CNTNAP4: variants seen among roughly 807,000 people sequenced by gnomAD.
CNTNAP4 encodes the protein contactin associated protein family member 4.
Under a neutral mutation model 148.4 loss-of-function variants are expected in CNTNAP4, and 98 were observed. The ratio of observed to expected loss-of-function variants is 0.66; its 90% confidence interval spans 0.56 to 0.78. The LOEUF is 0.78. Ranked by LOEUF, CNTNAP4 falls within the 30% of genes least tolerant of loss-of-function variation. The probability of loss-of-function intolerance (pLI) is 0.00; values close to 1 mark genes in which losing one functional copy is unlikely to be tolerated. For synonymous variants in CNTNAP4, 730 were observed against 565.1 expected (o/e 1.29, Z -4.14); for missense variants, 1,935 against 1,565.6 (o/e 1.24, Z -3.98).
intron 4 of CNTNAP4, among the ~76,000 whole-genome samples, chr16:76,446,173 A>G (rs1189811482): frequency 6.6e-6 from 1 of 152,214 alleles, no homozygotes; most frequent in Non-Finnish European, 1.5e-5. Flanking sequence ...TAGACATTTC[A>G]CATAAAATAT....
intron 3 of CNTNAP4, among the ~76,000 whole-genome samples, chr16:76,415,624 A>G (rs535540828): frequency 4.8e-4 from 66 of 138,158 alleles, no homozygotes; most frequent in Non-Finnish European, 8.4e-4. Context: ...ATGAGTTCTG[A>G]TAAATGTAAA....
chr16:76,333,899 C>A (rs1398210448), intron 2 of CNTNAP4, among the ~76,000 whole-genome samples: 1 of 148,164 alleles, frequency 6.7e-6, no homozygotes, highest in Non-Finnish European at 1.5e-5. Flanking sequence ...TCCTATTTCT[C>A]CACATCCTCT....
intron 4 of CNTNAP4, among the ~76,000 whole-genome samples, chr16:76,443,344 T>G (rs2080116134): frequency 2.6e-5 from 4 of 152,166 alleles, no homozygotes; most frequent in Admixed American, 2.6e-4. Flanking sequence ...ACTTCTACTT[T>G]TCCTATTTAT....
chr16:76,375,922 A>G (rs969519530), intron 3 of CNTNAP4, among the ~76,000 whole-genome samples: 1 of 152,236 alleles, frequency 6.6e-6, no homozygotes, highest in Non-Finnish European at 1.5e-5. Context: ...ATTCAGATGC[A>G]GGCTCCATCT....
chr16:76,435,077 A>C (rs2079768780), intron 4 of CNTNAP4, among the ~76,000 whole-genome samples: 1 of 152,092 alleles, frequency 6.6e-6, no homozygotes, highest in Admixed American at 6.6e-5. Flanking sequence ...AGGATAGGAG[A>C]AAGATTAACA....
chr16:76,460,909 A>G (rs921543378), intron 8 of CNTNAP4, among the ~76,000 whole-genome samples: 2 of 150,910 alleles, frequency 1.3e-5, no homozygotes, highest in Non-Finnish European at 2.9e-5. Context: ...TCCTGGGGGA[A>G]ATACAGAGTT....
intron 3 of CNTNAP4, among the ~76,000 whole-genome samples, chr16:76,409,295 T>C (rs1161168970): frequency 6.6e-6 from 1 of 151,974 alleles, no homozygotes; most frequent in Non-Finnish European, 1.5e-5. Flanking sequence ...CTATATATTA[T>C]GAATAATGTA....
intron 3 of CNTNAP4, among the ~76,000 whole-genome samples, chr16:76,400,330 A>G (rs1043012956): frequency 2.0e-5 from 3 of 152,198 alleles, no homozygotes; most frequent in Non-Finnish European, 4.4e-5. Flanking sequence ...AAATCCACTC[A>G]TTTAGCAAAT....
chr16:76,455,700 C>T (rs145381743), intron 8 of CNTNAP4, among the ~76,000 whole-genome samples: 7 of 152,310 alleles, frequency 4.6e-5, no homozygotes, highest in African/African-American at 7.2e-5. Flanking sequence ...CGCTGAAATA[C>T]GCTTGGAAAG....
At chr16:76,298,862 TG>T (rs1375866216) in intron 1 of CNTNAP4, among the ~76,000 whole-genome samples, 1 of 151,960 alleles carries the variant, frequency 6.6e-6, no homozygotes, top group East Asian at 1.9e-4. Flanking sequence ...GTGAGTTGGG[TG>T]GGGGCAGGTA....
At chr16:76,461,830 T>C in intron 8 of CNTNAP4, 126 bp from the exon 9 acceptor site, 2 of 718,226 alleles carry the variant, frequency 2.8e-6, no homozygotes, top group Non-Finnish European at 4.4e-6. Context: ...GTTGATGTCA[T>C]TGTTTTTAAT....
chr16:76,533,150 T>A lies in CNTNAP4; in HGVS notation c.2756-2395T>A, dbSNP rs555789280. 1.2e-4 allele frequency among the ~76,000 whole-genome samples: 18 copies of A among 152,230 alleles called. No individual in the cohort carries two copies. The South Asian group carries it at 3.7e-3, about 32-fold the overall frequency. On this transcript the variant is annotated intron_variant, in intron 17 of 23. Transcript: ENST00000611870. Reference sequence around the variant, plus strand: ...GTGTATATATGTAATGGAATACAATTCAGGCATAAAAAAGAATAAAATCCT... The same window carrying A: ...GTGTATATATGTAATGGAATACAATACAGGCATAAAAAAGAATAAAATCCT...
chr16:76,557,591 C>T (rs1479100540), intron 23 of CNTNAP4: 8 of 152,078 alleles, frequency 5.3e-5, no homozygotes, highest in Non-Finnish European at 1.2e-4. Flanking sequence ...CTTTTTATTC[C>T]TTTTCCTACA....
chr16:76,422,361 C>T (rs941108329), intron 3 of CNTNAP4, among the ~76,000 whole-genome samples: 1 of 46,236 alleles, frequency 2.2e-5, no homozygotes, highest in Non-Finnish European at 5.3e-5. Flanking sequence ...CAATGTTTAT[C>T]ATTTATTTTT....
intron 8 of CNTNAP4, among the ~76,000 whole-genome samples, chr16:76,458,897 A>G (rs1956896450): frequency 6.6e-6 from 1 of 152,076 alleles, no homozygotes; most frequent in Non-Finnish European, 1.5e-5. Context: ...AAATCTCCAA[A>G]CTGCTTTCCA....
chr16:76,318,465 A>G (rs1962043897), intron 2 of CNTNAP4, among the ~76,000 whole-genome samples: 1 of 152,010 alleles, frequency 6.6e-6, no homozygotes, highest in Admixed American at 6.6e-5. Context: ...AACTTCATGA[A>G]TCTCATTTAC....
chr16:76,420,956 G>A (rs551729146), intron 3 of CNTNAP4, among the ~76,000 whole-genome samples: 7 of 151,576 alleles, frequency 4.6e-5, no homozygotes, highest in African/African-American at 7.3e-5. Flanking sequence ...CCACAAAATC[G>A]TACATATCAT....
chr16:76,539,643 A>G (rs2084362843), intron 19 of CNTNAP4, 76 bp from the exon 20 acceptor site: 1 of 1,233,378 alleles, frequency 8.1e-7, no homozygotes, highest in Non-Finnish European at 1.1e-6. Context: ...GCAACAAAAA[A>G]TCACTCTGAT....
At chr16:76,382,460 T>C (rs2016078099) in intron 3 of CNTNAP4, among the ~76,000 whole-genome samples, 1 of 152,160 alleles carries the variant, frequency 6.6e-6, no homozygotes, top group Non-Finnish European at 1.5e-5. Context: ...AATATTGTGC[T>C]GTGACTCAGA....
Sources: allele counts gnomAD v4.1 joint callset (sites outside exome capture counted in the v4.1 genomes callset), GRCh38; gene constraint gnomAD v4.1.1; transcripts MANE v1.5; gene names NCBI Gene and HGNC (gene_info 2026-07-23, HGNC 2026-07-21).